The following SELENOF variants were observed in gnomAD, a reference collection of about 807,000 sequenced individuals.
The protein encoded by SELENOF is 15 kDa selenoprotein.
A neutral mutation model predicts 20.5 loss-of-function variants in SELENOF; 16 were observed. The ratio of observed to expected loss-of-function variants is 0.78; its 90% CI spans 0.53 to 1.19. SELENOF has a LOEUF of 1.19. SELENOF is among the 50% of genes most tolerant of loss of function. SELENOF has a pLI of 0.00. For synonymous variants in SELENOF, 78 were observed against 74.5 expected (o/e 1.05, Z -0.24); for missense variants, 215 against 194.2 (o/e 1.11, Z -0.64).
chr1:86,871,932 T>C (rs1658780296), intron 3 of SELENOF, among the ~76,000 whole-genome samples: 1 of 152,154 alleles, frequency 6.6e-6, no homozygotes, highest in Non-Finnish European at 1.5e-5. Context: ...ATGGAGCTTA[T>C]GGCAACCTTA....
intron 1 of SELENOF, among the ~76,000 whole-genome samples, chr1:86,907,865 A>C (rs1185214605): frequency 1.3e-5 from 2 of 152,202 alleles, no homozygotes; most frequent in East Asian, 3.9e-4. Flanking sequence ...GCACACCTGT[A>C]ATCTGAGTTA....
chr1:86,903,294 A>G lies in SELENOF; in HGVS notation c.239T>C (p.Phe80Ser), dbSNP rs1243115363. 1 of 1,610,504 alleles carries G rather than the reference A, an allele frequency of 6.2e-7. No individual in the cohort carries two copies. The highest frequency in any genetic ancestry group is 8.5e-7 in the Non-Finnish European group (1 of 1,178,540). Residue 80 changes from phenylalanine to serine, a missense_variant, in exon 2 of 5, where the codon TTT becomes TCT. Physicochemically the swap from Phe to Ser is radical, Grantham distance 155. Coordinates refer to ENST00000331835, the MANE Select transcript of SELENOF (RefSeq NM_004261.5). The part of the protein sequence containing the change: ...CRGCCQEEAQ[F>S]ETKKLYAGAI... ...AGAAAACAGTACCTTTTTGGTTTCA[A>G]ATTGTGCTTCCTCCTGACAGCATCC...
At chr1:86,866,228 C>CTGTGTGTGTGTGTGTG (rs1382340517) in intron 4 of SELENOF, among the ~76,000 whole-genome samples, 2 of 52,394 alleles carry the variant, frequency 3.8e-5, no homozygotes, top group Non-Finnish European at 3.7e-5. Context: ...AAGTGTGTGT[C>CTGTGTGTGTGTGTGTG]TCTGTGTGTG....
rs911036935 is a variant in SELENOF, at chr1:86,903,463, T to C, written c.85-15A>G. ...AAAGCAGACACCTGAAAATAAAAAATGGGAAATAAAACACAATTCCATATT... is the reference window on the plus strand; with the variant it reads ...AAAGCAGACACCTGAAAATAAAAAACGGGAAATAAAACACAATTCCATATT... On this transcript the variant is annotated splice_polypyrimidine_tract_variant and intron_variant, in intron 1 of 4. Coordinates refer to ENST00000331835, the MANE Select transcript of SELENOF (RefSeq NM_004261.5). The C allele has an allele frequency of 2.5e-6, 4 of 1,575,566 alleles. No homozygotes were observed. The highest frequency in any genetic ancestry group is 3.4e-6 in the Non-Finnish European group (4 of 1,162,844).
At chr1:86,875,669 C>CT (rs1215493993) in intron 3 of SELENOF, among the ~76,000 whole-genome samples, 1 of 152,146 alleles carries the variant, frequency 6.6e-6, no homozygotes, top group Admixed American at 6.5e-5. Context: ...AGAACACAAA[C>CT]TTTGAGTTCT....
intron 2 of SELENOF, chr1:86,887,271 A>G (rs1232766359): frequency 8.3e-6 from 12 of 1,447,730 alleles, no homozygotes. Context: ...CTCCAATACT[A>G]TATCTGAGAT....
chr1:86,898,059 A>G (rs1659571914), intron 2 of SELENOF, among the ~76,000 whole-genome samples: 1 of 152,258 alleles, frequency 6.6e-6, no homozygotes, highest in Non-Finnish European at 1.5e-5. Context: ...GTACAAAAAC[A>G]GTACTAAAAT....
intron 2 of SELENOF, among the ~76,000 whole-genome samples, chr1:86,893,450 CAA>C (rs10714134): frequency 5.1e-4 from 46 of 90,466 alleles, no homozygotes; most frequent in Admixed American, 6.3e-4. Context: ...TACTAAAATA[CAA>C]AAAAAAAAAA....
At chr1:86,909,435 T>C (rs1181697685) in intron 1 of SELENOF, among the ~76,000 whole-genome samples, 2 of 152,114 alleles carry the variant, frequency 1.3e-5, no homozygotes, top group East Asian at 3.9e-4. Flanking sequence ...TTGGGCTTCC[T>C]CACTGCTCTA....
intron 3 of SELENOF, among the ~76,000 whole-genome samples, chr1:86,869,834 G>A (rs989164084): frequency 2.0e-5 from 3 of 151,926 alleles, no homozygotes; most frequent in African/African-American, 7.3e-5. Context: ...GAGTGCAGTG[G>A]CGCAATCTCG....
Position 86,866,552 on chromosome 1 carries a change from A to G in SELENOF, c.366+1501T>C, listed in dbSNP as rs561250625. On this transcript the variant is annotated intron_variant, in intron 4 of 4. Transcript: ENST00000331835. Reference sequence around the variant, plus strand: ...AGTTATAGAGAACTGTTACAGAACAATGTGAAAATACTTAATACTGGACTG... The same window carrying G: ...AGTTATAGAGAACTGTTACAGAACAGTGTGAAAATACTTAATACTGGACTG... Among the ~76,000 whole-genome samples, 104 of 152,296 alleles carry G rather than the reference A, an allele frequency of 6.8e-4. 1 individual carries two copies. Among genetic ancestry groups the G allele is most frequent in the Admixed American group, 2.5e-3 (38 of 15,296 alleles).
At position 86,880,671 on chromosome 1, in the gene SELENOF, G is replaced by T; in HGVS notation, c.307C>A (p.Gln103Lys). The change falls in exon 3 of 5, where the codon CAA becomes AAA. Residue 103 changes from glutamine (Q) to lysine (K), a missense_variant. Physicochemically the swap from Gln to Lys is moderately conservative, Grantham distance 53 (BLOSUM62 1). Transcript: ENST00000331835. ...VCGUKLGRFP[Q>K]VQAFVRSDKP... The stretch of plus-strand genomic sequence containing the variant: ...AGTAAATTTTATATACCTTGGACTT[G>T]AGGGAACCTTCCCAATTTTCATCCA... The T allele has an allele frequency of 6.3e-7, 1 of 1,587,648 alleles. No homozygotes were observed.
intron 3 of SELENOF, among the ~76,000 whole-genome samples, chr1:86,869,761 CT>C (rs962983621): frequency 1.4e-5 from 2 of 147,056 alleles, no homozygotes; most frequent in Non-Finnish European, 3.0e-5. Context: ...TTCTTTCTTT[CT>C]TTTTTTGAGA....
At chr1:86,890,484 A>T (rs1016356275) in intron 2 of SELENOF, among the ~76,000 whole-genome samples, 30 of 151,876 alleles carry the variant, frequency 2.0e-4, no homozygotes, top group Admixed American at 1.6e-3. Flanking sequence ...TCTACTTAAT[A>T]ACTCTTTTTT....
intron 4 of SELENOF, among the ~76,000 whole-genome samples, chr1:86,867,449 G>A (rs1400788670): frequency 2.0e-5 from 3 of 151,878 alleles, no homozygotes; most frequent in African/African-American, 7.3e-5. Context: ...CCAAGATGGT[G>A]CCACTGCACT....
intron 2 of SELENOF, among the ~76,000 whole-genome samples, chr1:86,891,276 C>T (rs1659378275): frequency 6.6e-6 from 1 of 151,800 alleles, no homozygotes; most frequent in South Asian, 2.1e-4. Flanking sequence ...CTCAAACTCC[C>T]GACCTCAGGT....
intron 3 of SELENOF, among the ~76,000 whole-genome samples, chr1:86,868,858 T>C (rs1381425155): frequency 1.3e-5 from 2 of 152,020 alleles, no homozygotes; most frequent in African/African-American, 2.4e-5. Flanking sequence ...AACACCACCA[T>C]AAGCAAATTA....
At chr1:86,887,151 C>G (rs1367965884) in intron 2 of SELENOF, 1 of 1,534,542 alleles carries the variant, frequency 6.5e-7, no homozygotes, top group Non-Finnish European at 8.8e-7. Flanking sequence ...CACTTTCATA[C>G]TCACTTTGAG....
intron 2 of SELENOF, among the ~76,000 whole-genome samples, chr1:86,886,895 T>C (rs1659232883): frequency 6.6e-6 from 1 of 152,138 alleles, no homozygotes; most frequent in South Asian, 2.1e-4. Context: ...GAAAAATCAA[T>C]TATGATACAC....
Sources: gnomAD v4.1 joint callset for allele counts (sites outside exome capture counted in the v4.1 genomes callset) on GRCh38, gnomAD v4.1.1 for gene constraint, MANE v1.5 for transcripts, NCBI Gene and HGNC (gene_info 2026-07-23, HGNC 2026-07-21) for gene names.